Variants in PPAT observed in about 807,000 individuals in gnomAD.
PPAT encodes the protein amidophosphoribosyltransferase.
Under a neutral mutation model 60.2 loss-of-function variants are expected in PPAT, and 20 were observed. The observed-to-expected ratio is 0.33, with a 90% CI of 0.23 to 0.48. PPAT has a LOEUF of 0.48. Ranked by LOEUF, PPAT falls within the 20% of genes least tolerant of loss-of-function variation. The pLI, the probability that PPAT is intolerant of heterozygous loss-of-function variation, is 0.99. For missense variants in PPAT, 349 were observed against 629.6 expected, an observed-to-expected ratio of 0.55 and a Z score of 4.77; for synonymous variants, 194 against 215.1, an observed-to-expected ratio of 0.90 and a Z score of 0.86.
Position 56,435,570 on chromosome 4 carries a change from C to G in PPAT, c.-93G>C, listed in dbSNP as rs59010837. 9.6e-3 allele frequency: 15,324 copies of G among 1,592,598 alleles called. 1,114 individuals carry two copies. The African/African-American group carries it at 0.17, about 18-fold the overall frequency. The stretch of plus-strand genomic sequence containing the variant: ...GCTCGGCCCGTCGAGCTCAGAAGCT[C>G]GCGCTCGCGACAGGCTCTTCCTTCC... On this transcript the variant is annotated 5_prime_UTR_variant, in exon 1 of 11. Transcript: ENST00000264220.
intron 1 of PPAT, among the ~76,000 whole-genome samples, chr4:56,426,675 C>T (rs6819534): frequency 0.34 from 52,139 of 152,072 alleles, 9,814 homozygotes; most frequent in East Asian, 0.64. Context: ...CACTTATCAA[C>T]TGACAGACAT....
chr4:56,417,847 T>G (rs538786187), intron 1 of PPAT, among the ~76,000 whole-genome samples: 3 of 150,770 alleles, frequency 2.0e-5, no homozygotes, highest in South Asian at 2.1e-4. Flanking sequence ...TTTTTGTTTT[T>G]TTTTTTTTTT....
chr4:56,419,222 C>T (rs1716919585), intron 1 of PPAT, among the ~76,000 whole-genome samples: 1 of 152,054 alleles, frequency 6.6e-6, no homozygotes, highest in South Asian at 2.1e-4. Context: ...TATCCTATTT[C>T]AAAACAAATT....
intron 3 of PPAT, 23 bp from the exon 4 acceptor site, chr4:56,403,424 T>G: frequency 6.4e-7 from 1 of 1,562,258 alleles, no homozygotes; most frequent in African/African-American, 1.4e-5. Flanking sequence ...AAAGAGAAGT[T>G]TAATCATCAG....
chr4:56,404,024 C>CTGA, intron 3 of PPAT: 1 of 451,116 alleles, frequency 2.2e-6, no homozygotes, highest in East Asian at 7.0e-5. Context: ...AAGCCACAGA[C>CTGA]TGGTACTAGT....
chr4:56,420,105 A>T (rs1270878815), intron 1 of PPAT: 16 of 585,826 alleles, frequency 2.7e-5, no homozygotes, highest in Non-Finnish European at 3.4e-5. Context: ...AGGTTCAAGG[A>T]TCCCTTTTCC....
intron 8 of PPAT, chr4:56,399,951 T>G (rs559008194): frequency 6.6e-6 from 1 of 152,458 alleles, no homozygotes; most frequent in African/African-American, 2.4e-5. Context: ...GACAACATCA[T>G]GCTAAATGAA....
At chr4:56,404,152 A>G (rs1337844404) in intron 3 of PPAT, 1 of 353,662 alleles carries the variant, frequency 2.8e-6, no homozygotes, top group Non-Finnish European at 6.0e-6. Flanking sequence ...AATGTGCTTT[A>G]TGAGATGTAC....
chr4:56,396,988 CAGG>C lies in PPAT; in HGVS notation c.1237-252_1237-250del. The stretch of plus-strand genomic sequence containing the variant: ...TAGAGCCACTTTTCTCTTGTAATAC[CAGG>C]TACTTCTGCTTATCCCTTATCTTAC... On this transcript the variant is annotated intron_variant, in intron 9 of 10. Coordinates refer to ENST00000264220, the MANE Select transcript of PPAT (RefSeq NM_002703.5). This position sits in a 1 kb window ranked among gnomAD's most constrained non-coding sequence, Gnocchi z 4.6. 1 of 274,566 alleles carries C rather than the reference CAGG, an allele frequency of 3.6e-6. No individual in the cohort carries two copies. Among genetic ancestry groups the C allele is most frequent in the Non-Finnish European group, 6.7e-6 (1 of 148,362 alleles). The allele number at this position is 274,566 out of a possible 1,614,324, so 17.0% of individuals were successfully genotyped here. A position where few individuals can be genotyped will look rare whatever the true frequency, so the allele number is the denominator to read the frequency against.
chr4:56,410,646 C>T, intron 1 of PPAT: 1 of 986,622 alleles, frequency 1.0e-6, no homozygotes, highest in Non-Finnish European at 1.2e-6. Context: ...ATTTACATTG[C>T]TAAAAGGCTG....
chr4:56,432,008 C>T (rs1408168127), intron 1 of PPAT, among the ~76,000 whole-genome samples: 7 of 152,158 alleles, frequency 4.6e-5, no homozygotes, highest in Non-Finnish European at 8.8e-5. Flanking sequence ...CTACTAAAAA[C>T]GGGGAGTACA....
chr4:56,401,585 C>T, intron 6 of PPAT, 104 bp from the exon 7 acceptor site: 1 of 1,006,368 alleles, frequency 9.9e-7, no homozygotes, highest in Non-Finnish European at 1.5e-6. Context: ...CTTAGAGAAA[C>T]AATTGATTCA....
At chr4:56,405,843 G>T (rs1716228094) in intron 3 of PPAT, among the ~76,000 whole-genome samples, 1 of 152,208 alleles carries the variant, frequency 6.6e-6, no homozygotes, top group African/African-American at 2.4e-5. Context: ...TGAAACCAAA[G>T]GTAGTGCTAG....
At chr4:56,402,820 CAAAAAAAAAAAAA>C (rs556899549) in intron 5 of PPAT, among the ~76,000 whole-genome samples, 2 of 44,026 alleles carry the variant, frequency 4.5e-5, no homozygotes, top group Non-Finnish European at 8.4e-5. Context: ...ACTCGGTCTC[CAAAAAAAAAAAAA>C]AAAAAAAAAA....
chr4:56,402,477 C>G (rs6812041), intron 5 of PPAT, among the ~76,000 whole-genome samples: 103,537 of 151,936 alleles, frequency 0.68, 35,371 homozygotes, highest in Admixed American at 0.76. Context: ...ACATGAATAG[C>G]CAATTAAGAC....
At chr4:56,433,862 T>C (rs967051605) in intron 1 of PPAT, among the ~76,000 whole-genome samples, 1 of 152,124 alleles carries the variant, frequency 6.6e-6, no homozygotes, top group African/African-American at 2.4e-5. Context: ...ACCCAGCTAA[T>C]TGTATTTTTA....
intron 1 of PPAT, among the ~76,000 whole-genome samples, chr4:56,430,542 C>T (rs1310533391): frequency 6.6e-6 from 1 of 152,046 alleles, no homozygotes; most frequent in Non-Finnish European, 1.5e-5. Context: ...AGCTTCTGCT[C>T]AACAAATACA....
intron 3 of PPAT, among the ~76,000 whole-genome samples, chr4:56,404,821 A>G (rs984011730): frequency 6.6e-6 from 1 of 152,212 alleles, no homozygotes; most frequent in African/African-American, 2.4e-5. Flanking sequence ...AATGACAGTG[A>G]GTGGTACAAA....
At position 56,434,965 on chromosome 4, in the gene PPAT, C is replaced by T. The variant is rs1163922741; in HGVS notation, c.128+385G>A. On this transcript the variant is annotated intron_variant, in intron 1 of 10. Coordinates refer to ENST00000264220, the MANE Select transcript of PPAT (RefSeq NM_002703.5). ...TGGACTGGCCGCCACGCCACACTAG[C>T]CTATTACAGGAGCAGCCACAGGCTC... Among the ~76,000 whole-genome samples, 3 of 152,224 alleles carry T rather than the reference C, an allele frequency of 2.0e-5. No homozygotes were observed. The East Asian group carries it at 5.8e-4, about 29-fold the overall frequency.
Sources: allele counts gnomAD v4.1 joint callset (sites outside exome capture counted in the v4.1 genomes callset), GRCh38; gene constraint gnomAD v4.1.1; non-coding constraint Gnocchi (gnomAD v3.1); transcripts MANE v1.5; gene names NCBI Gene and HGNC (gene_info 2026-07-23, HGNC 2026-07-21).